The following MPP7 variants were observed in gnomAD, a reference collection of about 807,000 sequenced individuals.
MPP7 encodes the protein MAGUK p55 subfamily member 7.
MPP7 carries 60 observed loss-of-function variants against 76.5 expected under a neutral mutation model. That is an observed-to-expected ratio of 0.78 (90% CI 0.64 to 0.97). The LOEUF is 0.97. Among genes scored for constraint, MPP7 ranks in the 50% least tolerant of loss-of-function variants. The pLI, the probability that MPP7 is intolerant of heterozygous loss-of-function variation, is 0.00. For synonymous variants in MPP7, 237 were observed against 244.5 expected (o/e 0.97, Z 0.29); for missense variants, 641 against 694.0 (o/e 0.92, Z 0.86).
chr10:28,297,033 C>T (rs1240631182), intron 1 of MPP7, among the ~76,000 whole-genome samples: 1 of 152,078 alleles, frequency 6.6e-6, no homozygotes, highest in Non-Finnish European at 1.5e-5. Flanking sequence ...TTTCTGAACA[C>T]AGGAAGAATC....
chr10:28,156,235 T>C (rs1223992848), intron 3 of MPP7, among the ~76,000 whole-genome samples: 2 of 152,220 alleles, frequency 1.3e-5, no homozygotes, highest in East Asian at 1.9e-4. Context: ...ATCGTATCTA[T>C]TAACTAGGGT....
At chr10:28,141,789 T>C (rs1835529030) in intron 5 of MPP7, among the ~76,000 whole-genome samples, 1 of 152,108 alleles carries the variant, frequency 6.6e-6, no homozygotes, top group Non-Finnish European at 1.5e-5. Context: ...AAAAGAGAAT[T>C]CCAAATTTCT....
chr10:28,216,822 T>C (rs1405868164), intron 2 of MPP7, among the ~76,000 whole-genome samples: 1 of 152,142 alleles, frequency 6.6e-6, no homozygotes, highest in Admixed American at 6.5e-5. Flanking sequence ...AACAGTTCAT[T>C]AGATATAGGG....
At chr10:28,062,565 C>CAG (rs1303265268) in intron 13 of MPP7, among the ~76,000 whole-genome samples, 1 of 144,768 alleles carries the variant, frequency 6.9e-6, no homozygotes, top group Non-Finnish European at 1.5e-5. Flanking sequence ...CACACACACA[C>CAG]ACACACACAC....
chr10:28,196,480 G>A (rs1442149178), intron 3 of MPP7, among the ~76,000 whole-genome samples: 4 of 131,448 alleles, frequency 3.0e-5, no homozygotes, highest in African/African-American at 5.7e-5. Context: ...ACTCCATCTC[G>A]AAAAAAAAAA....
intron 11 of MPP7, among the ~76,000 whole-genome samples, chr10:28,112,067 T>C (rs1437439899): frequency 6.6e-6 from 1 of 152,184 alleles, no homozygotes; most frequent in Non-Finnish European, 1.5e-5. Context: ...TATTAGCAAA[T>C]ATCACAAGCA....
In MPP7 at chr10:28,205,273, G is replaced by T. The variant is rs531004268; in HGVS notation, c.38-3002C>A. On this transcript the variant is annotated intron_variant, in intron 2 of 16. Coordinates refer to ENST00000683449, the MANE Select transcript of MPP7 (RefSeq NM_001318170.2). ...CTACTTCCACTCAAATGAATTATAA[G>T]GGCCCTAGAAACCATCTCTGGCCAT... Among the ~76,000 whole-genome samples, 3 of 152,242 alleles carry T rather than the reference G, an allele frequency of 2.0e-5. No individual in the cohort carries two copies. The East Asian group carries it at 5.8e-4, about 29-fold the overall frequency.
intron 2 of MPP7, 113 bp downstream of exon 2, chr10:28,238,455 T>G: frequency 8.8e-7 from 1 of 1,131,200 alleles, no homozygotes. Context: ...CTAGTGTTGG[T>G]GACAGAAAAA....
At chr10:28,299,021 C>G (rs1210164903) in intron 1 of MPP7, among the ~76,000 whole-genome samples, 2 of 152,166 alleles carry the variant, frequency 1.3e-5, no homozygotes, top group Admixed American at 6.5e-5. Flanking sequence ...TGTGGCTGGT[C>G]TGATCTTCTA....
intron 1 of MPP7, among the ~76,000 whole-genome samples, chr10:28,300,736 G>A (rs1841134515): frequency 1.3e-5 from 2 of 152,106 alleles, no homozygotes; most frequent in South Asian, 4.1e-4. Context: ...CAGATCACTT[G>A]AGGTCAGGAG....
intron 11 of MPP7, among the ~76,000 whole-genome samples, chr10:28,108,042 A>G (rs1173941915): frequency 6.6e-6 from 1 of 152,202 alleles, no homozygotes; most frequent in Non-Finnish European, 1.5e-5. Flanking sequence ...AGGGTTTTCT[A>G]GTTTGTTTTG....
intron 2 of MPP7, among the ~76,000 whole-genome samples, chr10:28,325,975 CAAAAA>C (rs71281552): frequency 3.1e-5 from 3 of 96,374 alleles, no homozygotes; most frequent in Non-Finnish European, 4.2e-5. Context: ...GACCTCATCT[CAAAAA>C]AAAAAAAAAA....
chr10:28,072,820 C>T lies in MPP7; in HGVS notation c.1124-2968G>A, dbSNP rs565419880. ...TTCTCTGATCTTCTTGGATCACTCA[C>T]TCAGTTATTCTTCCCACACCTATGG... On this transcript the variant is annotated intron_variant, in intron 12 of 16. Coordinates refer to ENST00000683449, the MANE Select transcript of MPP7 (RefSeq NM_001318170.2). Among the ~76,000 whole-genome samples the T allele has an allele frequency of 2.0e-5, 3 of 152,326 alleles. No homozygotes were observed. In the East Asian group the frequency reaches 5.8e-4, roughly 29 times the overall value.
At chr10:28,212,717 C>T (rs1838180943) in intron 2 of MPP7, among the ~76,000 whole-genome samples, 1 of 152,200 alleles carries the variant, frequency 6.6e-6, no homozygotes, top group Non-Finnish European at 1.5e-5. Flanking sequence ...GTGCTGTAAT[C>T]TCACGTCCTA....
Position 28,145,027 on chromosome 10 carries a change from C to A in MPP7, c.315+2456G>T, listed in dbSNP as rs529364827. The stretch of plus-strand genomic sequence containing the variant: ...CTCCTGGGTTCACACAATTCTCCTG[C>A]CTCAGCCTCCCGAGTAGCTGGGATT... On this transcript the variant is annotated intron_variant, in intron 5 of 16. Transcript: ENST00000683449. Among the ~76,000 whole-genome samples the A allele has an allele frequency of 6.8e-4, 103 of 152,260 alleles. 1 individual carries two copies. Among genetic ancestry groups the A allele is most frequent in the African/African-American group, 2.4e-3 (101 of 41,542 alleles).
chr10:28,200,568 T>C (rs919126632), intron 3 of MPP7, among the ~76,000 whole-genome samples: 1 of 152,234 alleles, frequency 6.6e-6, no homozygotes, highest in African/African-American at 2.4e-5. Context: ...ATTTGTTTTA[T>C]GCATTAGTTT....
intron 3 of MPP7, among the ~76,000 whole-genome samples, chr10:28,182,668 A>T (rs1837095871): frequency 6.6e-6 from 1 of 152,250 alleles, no homozygotes; most frequent in Admixed American, 6.5e-5. Context: ...TCAACATGAG[A>T]ATAGATGATT....
upstream of MPP7, among the ~76,000 whole-genome samples, chr10:28,306,132 C>G (rs1022665495): frequency 6.6e-5 from 10 of 152,256 alleles, no homozygotes; most frequent in African/African-American, 2.4e-4. Context: ...GGGAAGAGAT[C>G]CAGCCCTCAC....
At chr10:28,056,691 T>C in intron 15 of MPP7, 68 bp from the exon 16 acceptor site, 4 of 1,380,840 alleles carry the variant, frequency 2.9e-6, no homozygotes, top group Non-Finnish European at 3.8e-6. Context: ...ATTTTCTTTC[T>C]AGGAGAAAAT....
Sources: gnomAD v4.1 joint callset for allele counts (sites outside exome capture counted in the v4.1 genomes callset) on GRCh38, gnomAD v4.1.1 for gene constraint, MANE v1.5 for transcripts, NCBI Gene and HGNC (gene_info 2026-07-23, HGNC 2026-07-21) for gene names.